The following GUCA1C variants were observed in gnomAD, a reference collection of about 807,000 sequenced individuals.
The protein encoded by GUCA1C is guanylyl cyclase-activating protein 3.
Under a neutral mutation model 16.2 loss-of-function variants are expected in GUCA1C, and 15 were observed. That is an observed-to-expected ratio of 0.93 (90% CI 0.62 to 1.43). GUCA1C has a LOEUF of 1.43. GUCA1C is among the 40% of genes most tolerant of loss of function. GUCA1C has a pLI of 0.00. For synonymous variants in GUCA1C, 78 were observed against 85.4 expected (o/e 0.91, Z 0.48); for missense variants, 275 against 244.8 (o/e 1.12, Z -0.82).
At chr3:108,949,790 T>G (rs1374442694) in intron 1 of GUCA1C, among the ~76,000 whole-genome samples, 1 of 152,212 alleles carries the variant, frequency 6.6e-6, no homozygotes, top group African/African-American at 2.4e-5. Context: ...TATATATTTA[T>G]GGTATACAAT....
intron 1 of GUCA1C, among the ~76,000 whole-genome samples, chr3:108,931,954 C>A (rs1472841809): frequency 6.7e-5 from 10 of 149,014 alleles, no homozygotes; most frequent in Non-Finnish European, 1.2e-4. Flanking sequence ...CGAGTTCATG[C>A]CATTCTCCTG....
intron 1 of GUCA1C, among the ~76,000 whole-genome samples, chr3:108,943,809 T>C (rs1231387630): frequency 2.6e-5 from 4 of 152,142 alleles, no homozygotes; most frequent in Non-Finnish European, 5.9e-5. Context: ...CCAAAGTCCA[T>C]TGTATGATTC....
chr3:108,932,341 A>AC (rs1491378717), intron 1 of GUCA1C, among the ~76,000 whole-genome samples: 249 of 65,100 alleles, frequency 3.8e-3, no homozygotes, highest in Admixed American at 8.3e-3. Flanking sequence ...AAAAAAAAAC[A>AC]AAAAAAAAAA....
At chr3:108,953,030 A>AT (rs1946911919) in intron 1 of GUCA1C, among the ~76,000 whole-genome samples, 1 of 152,166 alleles carries the variant, frequency 6.6e-6, no homozygotes, top group South Asian at 2.1e-4. Flanking sequence ...TTAAGCTTCC[A>AT]TTTTTCCCAA....
At chr3:108,951,519 T>C (rs1016227031) in intron 1 of GUCA1C, among the ~76,000 whole-genome samples, 3 of 152,208 alleles carry the variant, frequency 2.0e-5, no homozygotes, top group African/African-American at 7.2e-5. Flanking sequence ...TAGTAAATCT[T>C]TGGGGATTCT....
At chr3:108,950,609 G>A (rs1946887267) in intron 1 of GUCA1C, among the ~76,000 whole-genome samples, 1 of 152,124 alleles carries the variant, frequency 6.6e-6, no homozygotes, top group African/African-American at 2.4e-5. Flanking sequence ...TGTGTGATTA[G>A]CAAAAAATAT....
At chr3:108,936,860 C>G (rs1946732380) in intron 1 of GUCA1C, among the ~76,000 whole-genome samples, 1 of 152,180 alleles carries the variant, frequency 6.6e-6, no homozygotes, top group Non-Finnish European at 1.5e-5. Flanking sequence ...GCCCAGACAG[C>G]TCTTGGGGCC....
At chr3:108,930,692 G>T (rs1254672990) in intron 1 of GUCA1C, among the ~76,000 whole-genome samples, 1 of 152,118 alleles carries the variant, frequency 6.6e-6, no homozygotes. Context: ...TCTTATAAGA[G>T]ATAAGATTTC....
rs1267780332 is a variant in GUCA1C, at chr3:108,953,878, C to T, written c.-116G>A. ...TAACATATGCCCTCAGAAAGCTACT[C>T]TAAACCTCTTACAGCAACAAGCTAA... On this transcript the variant is annotated 5_prime_UTR_variant, in exon 1 of 4. Transcript: ENST00000261047. The T allele has an allele frequency of 7.3e-6, 5 of 681,954 alleles. No individual in the cohort carries two copies. The highest frequency in any genetic ancestry group is 1.3e-5 in the Non-Finnish European group (5 of 381,578). The allele number at this position is 681,954 out of a possible 1,614,324, so 42.2% of individuals were successfully genotyped here. A position where few individuals can be genotyped will look rare whatever the true frequency, so the allele number is the denominator to read the frequency against.
chr3:108,934,907 G>A (rs1441343809), intron 1 of GUCA1C, among the ~76,000 whole-genome samples: 3 of 128,266 alleles, frequency 2.3e-5, no homozygotes, highest in African/African-American at 5.9e-5. Context: ...TCCGCCTCCC[G>A]GGTTCACGCC....
intron 1 of GUCA1C, among the ~76,000 whole-genome samples, chr3:108,952,409 T>C (rs1374244345): frequency 3.3e-5 from 5 of 152,196 alleles, no homozygotes; most frequent in Admixed American, 2.6e-4. Context: ...GAAAGCACTG[T>C]CATGCTGAAC....
At chr3:108,916,335 C>T in intron 2 of GUCA1C, 121 bp from the exon 3 acceptor site, 1 of 805,132 alleles carries the variant, frequency 1.2e-6, no homozygotes, top group East Asian at 2.5e-5. Flanking sequence ...CAACCTGTAC[C>T]AGTTGTTAAA....
rs143896642 is a variant in GUCA1C at position 108,916,747 on chromosome 3, G to A, written c.355-533C>T. On this transcript the variant is annotated intron_variant, in intron 2 of 3. Transcript: ENST00000261047. ...GGGCCCTGAATTTCTCCCACATACT[G>A]TCAGGGCCCAGGGGGCAAATGACAT... Among the ~76,000 whole-genome samples, 745 of 152,224 alleles carry A rather than the reference G, an allele frequency of 4.9e-3. 5 individuals are homozygous for A. Among genetic ancestry groups the A allele is most frequent in the African/African-American group, 0.017 (705 of 41,496 alleles).
intron 1 of GUCA1C, among the ~76,000 whole-genome samples, chr3:108,923,276 T>G (rs1946587201): frequency 2.0e-5 from 3 of 152,242 alleles, no homozygotes; most frequent in African/African-American, 7.2e-5. Flanking sequence ...TCTAGTGTTA[T>G]CTTCTAGAAT....
At chr3:108,927,448 T>G (rs1377780027) in intron 1 of GUCA1C, among the ~76,000 whole-genome samples, 1 of 138,076 alleles carries the variant, frequency 7.2e-6, no homozygotes, top group Admixed American at 7.2e-5. Flanking sequence ...TTTTTTTTTT[T>G]GTCTCTGACT....
intron 1 of GUCA1C, 88 bp downstream of exon 1, chr3:108,953,471 T>A: frequency 1.2e-6 from 1 of 852,892 alleles, no homozygotes; most frequent in Non-Finnish European, 1.9e-6. Context: ...CACATTTTAC[T>A]TAAGGCTATT....
rs1946408422 is a variant in GUCA1C at position 108,907,938 on chromosome 3, C to G, written c.*84G>C. The G allele has an allele frequency of 1.0e-6, 1 of 964,798 alleles. No homozygotes were observed. The allele number at this position is 964,798 out of a possible 1,614,324, so 59.8% of individuals were successfully genotyped here. A position where few individuals can be genotyped will look rare whatever the true frequency, so the allele number is the denominator to read the frequency against. On this transcript the variant is annotated 3_prime_UTR_variant, in exon 4 of 4. Transcript: ENST00000261047. ...ATGAATTATAACAAAGACCTGAAATCAACAGCATGTACATGGGGAAGATTC... is the reference window on the plus strand; with the variant it reads ...ATGAATTATAACAAAGACCTGAAATGAACAGCATGTACATGGGGAAGATTC...
intron 3 of GUCA1C, among the ~76,000 whole-genome samples, chr3:108,912,526 C>A (rs1016184095): frequency 6.6e-6 from 1 of 151,766 alleles, no homozygotes; most frequent in African/African-American, 2.4e-5. Context: ...TAAATTATAA[C>A]AATAATATGT....
At chr3:108,928,061 C>T (rs1559844025) in intron 1 of GUCA1C, among the ~76,000 whole-genome samples, 1 of 152,366 alleles carries the variant, frequency 6.6e-6, no homozygotes, top group East Asian at 1.9e-4. Context: ...GTCTTGTGAT[C>T]TGTCTTCAGG....
Sources: allele counts gnomAD v4.1 joint callset (sites outside exome capture counted in the v4.1 genomes callset), GRCh38; gene constraint gnomAD v4.1.1; transcripts MANE v1.5; gene names NCBI Gene and HGNC (gene_info 2026-07-23, HGNC 2026-07-21).